Variants in SRPK1 observed in about 807,000 individuals in gnomAD.
SRPK1 encodes SRSF protein kinase 1.
In SRPK1, 52 loss-of-function variants were observed where a neutral mutation model predicts 89.5. That is an observed-to-expected ratio of 0.58 (90% CI 0.46 to 0.73). The LOEUF is 0.73. Ranked by LOEUF, SRPK1 falls within the 30% of genes least tolerant of loss-of-function variation. SRPK1 has a pLI of 0.00. For missense variants in SRPK1, 603 were observed against 780.6 expected, an observed-to-expected ratio of 0.77 and a Z score of 2.71; for synonymous variants, 255 against 270.2, an observed-to-expected ratio of 0.94 and a Z score of 0.55.
intron 2 of SRPK1, among the ~76,000 whole-genome samples, chr6:35,915,507 G>C (rs1364575517): frequency 6.6e-6 from 1 of 151,494 alleles, no homozygotes; most frequent in Non-Finnish European, 1.5e-5. Context: ...TTTATCCTAA[G>C]GAAATAATCA....
chr6:35,846,782 C>G (rs1259757238), intron 13 of SRPK1, among the ~76,000 whole-genome samples: 1 of 152,032 alleles, frequency 6.6e-6, no homozygotes, highest in African/African-American at 2.4e-5. Flanking sequence ...AAGAAGTCTC[C>G]CATCAAAGAA....
intron 12 of SRPK1, among the ~76,000 whole-genome samples, chr6:35,863,169 A>G (rs1769820661): frequency 1.3e-5 from 2 of 152,104 alleles, no homozygotes; most frequent in Admixed American, 1.3e-4. Flanking sequence ...TAATAAATTA[A>G]ATAAAAAATT....
intron 2 of SRPK1, among the ~76,000 whole-genome samples, chr6:35,902,727 G>A (rs1770769947): frequency 6.6e-6 from 1 of 152,198 alleles, no homozygotes. Context: ...ACAGCATATT[G>A]AGCATGTACT....
intron 13 of SRPK1, among the ~76,000 whole-genome samples, chr6:35,850,018 T>C (rs943489382): frequency 6.6e-6 from 1 of 151,806 alleles, no homozygotes; most frequent in African/African-American, 2.4e-5. Context: ...ATTTAACTCA[T>C]AGAAGCAGAG....
At chr6:35,838,082 C>T (rs1478804575) in intron 15 of SRPK1, among the ~76,000 whole-genome samples, 1 of 152,108 alleles carries the variant, frequency 6.6e-6, no homozygotes, top group Non-Finnish European at 1.5e-5. Flanking sequence ...GTTGGCCAGG[C>T]TGTTCTCAAA....
In SRPK1 at chr6:35,833,581, G is replaced by A. The variant is rs544016406; in HGVS notation, c.*1723C>T. The A allele has an allele frequency of 6.5e-5, 10 of 152,734 alleles. No homozygotes were observed. Among genetic ancestry groups the A allele is most frequent in the African/African-American group, 2.4e-4 (10 of 41,570 alleles). 9.5% of individuals were successfully genotyped at this position (152,734 alleles called of 1,614,324 possible). A position where few individuals can be genotyped will look rare whatever the true frequency, so the allele number is the denominator to read the frequency against. On this transcript the variant is annotated 3_prime_UTR_variant, in exon 16 of 16. Coordinates refer to ENST00000373825, the MANE Select transcript of SRPK1 (RefSeq NM_003137.5). The stretch of plus-strand genomic sequence containing the variant: ...TCTCTTGATTCTTGATAGGTGCATA[G>A]AAAGCCTAACTTAAAATTCTTTCTA...
chr6:35,918,571 C>A (rs1180780577), intron 2 of SRPK1, among the ~76,000 whole-genome samples: 2 of 151,962 alleles, frequency 1.3e-5, no homozygotes, highest in African/African-American at 4.8e-5. Flanking sequence ...TAATTGGAAA[C>A]AAATCCAAAA....
chr6:35,893,164 G>C (rs1770555752), intron 2 of SRPK1, among the ~76,000 whole-genome samples: 1 of 152,180 alleles, frequency 6.6e-6, no homozygotes, highest in South Asian at 2.1e-4. Context: ...TTCTGAAACA[G>C]ATTCTCTGAT....
intron 8 of SRPK1, 154 bp from the exon 9 acceptor site, chr6:35,871,113 T>C (rs1770027188): frequency 2.3e-6 from 1 of 428,158 alleles, no homozygotes; most frequent in Non-Finnish European, 4.1e-6. Context: ...AAGTAGAAGC[T>C]ATATTATTAC....
At chr6:35,839,871 G>C (rs1769267495) in intron 14 of SRPK1, among the ~76,000 whole-genome samples, 1 of 151,856 alleles carries the variant, frequency 6.6e-6, no homozygotes, top group Non-Finnish European at 1.5e-5. Context: ...GTAGAGACAG[G>C]GTTTCACATG....
chr6:35,900,274 A>T (rs1020690991), intron 2 of SRPK1, among the ~76,000 whole-genome samples: 5 of 152,178 alleles, frequency 3.3e-5, no homozygotes, highest in Admixed American at 3.3e-4. Context: ...TGCCTACCTC[A>T]TAGGGCATTT....
At chr6:35,852,139 C>T (rs935508131) in intron 13 of SRPK1, among the ~76,000 whole-genome samples, 15 of 152,126 alleles carry the variant, frequency 9.9e-5, no homozygotes, top group South Asian at 2.1e-4. Flanking sequence ...TCCATCATTC[C>T]TGGGGAACAA....
intron 13 of SRPK1, among the ~76,000 whole-genome samples, chr6:35,848,732 T>C (rs1390847433): frequency 6.6e-6 from 1 of 152,054 alleles, no homozygotes; most frequent in African/African-American, 2.4e-5. Context: ...TTTGACAAAA[T>C]TGCCAAGAAT....
intron 13 of SRPK1, among the ~76,000 whole-genome samples, chr6:35,849,244 A>C (rs1350436000): frequency 6.6e-6 from 1 of 152,232 alleles, no homozygotes; most frequent in Non-Finnish European, 1.5e-5. Flanking sequence ...AAAAAAGCTC[A>C]ACATCACTAA....
At chr6:35,894,723 C>A (rs1561990630) in intron 2 of SRPK1, among the ~76,000 whole-genome samples, 1 of 152,064 alleles carries the variant, frequency 6.6e-6, no homozygotes, top group Non-Finnish European at 1.5e-5. Flanking sequence ...GAGGCAATGA[C>A]TTCTAAATTC....
chr6:35,854,024 C>G (rs1303021611), intron 13 of SRPK1, among the ~76,000 whole-genome samples: 1 of 151,804 alleles, frequency 6.6e-6, no homozygotes, highest in African/African-American at 2.4e-5. Context: ...GATCTCAGCT[C>G]ACTGCAGCCT....
intron 2 of SRPK1, among the ~76,000 whole-genome samples, chr6:35,899,342 A>G (rs1770694033): frequency 6.6e-6 from 1 of 152,062 alleles, no homozygotes; most frequent in African/African-American, 2.4e-5. Flanking sequence ...CCTTTCAGAG[A>G]ACTTCCTTGA....
chr6:35,885,547 A>C (rs1441576596), intron 6 of SRPK1, among the ~76,000 whole-genome samples: 1 of 152,152 alleles, frequency 6.6e-6, no homozygotes, highest in Non-Finnish European at 1.5e-5. Context: ...CATAGTCTAC[A>C]TGAAACTAGT....
rs141011285 is a variant in SRPK1, at chr6:35,837,679, C to T, written c.1783+658G>A. On this transcript the variant is annotated intron_variant, in intron 15 of 15. Coordinates refer to ENST00000373825, the MANE Select transcript of SRPK1 (RefSeq NM_003137.5). ...CAAGTGATCCTCCCACCCCAGCTTT[C>T]GGAGTAGCTGCGACCACAGGTGTGT... Among the ~76,000 whole-genome samples the T allele has an allele frequency of 8.7e-3, 1,329 of 152,054 alleles. 12 individuals are homozygous for T. Among genetic ancestry groups the T allele is most frequent in the Middle Eastern group, 0.02 (6 of 294 alleles).
Sources: allele counts gnomAD v4.1 joint callset (sites outside exome capture counted in the v4.1 genomes callset), GRCh38; gene constraint gnomAD v4.1.1; transcripts MANE v1.5; gene names NCBI Gene and HGNC (gene_info 2026-07-23, HGNC 2026-07-21).